The following PTPRG variants were observed in gnomAD, a reference collection of about 807,000 sequenced individuals.
PTPRG encodes protein tyrosine phosphatase receptor type G, also known as receptor-type tyrosine-protein phosphatase gamma.
PTPRG carries 102 observed loss-of-function variants against 165.3 expected under a neutral mutation model. The observed-to-expected ratio is 0.62, with a 90% confidence interval of 0.53 to 0.73. PTPRG has a LOEUF of 0.73. Ranked by LOEUF, PTPRG falls within the 30% of genes least tolerant of loss-of-function variation. The pLI is 0.00. For missense variants in PTPRG, 1,866 were observed against 1,861.4 expected, an observed-to-expected ratio of 1.00 and a Z score of -0.05; for synonymous variants, 675 against 669.5, an observed-to-expected ratio of 1.01 and a Z score of -0.13.
intron 1 of PTPRG, among the ~76,000 whole-genome samples, chr3:61,711,456 C>A (rs1056141938): frequency 6.6e-6 from 1 of 152,136 alleles, no homozygotes; most frequent in Non-Finnish European, 1.5e-5. Flanking sequence ...TTTTAATGAT[C>A]GCCATTCTAA....
At chr3:61,888,552 C>T (rs1029650771) in intron 2 of PTPRG, among the ~76,000 whole-genome samples, 5 of 152,050 alleles carry the variant, frequency 3.3e-5, no homozygotes, top group Non-Finnish European at 5.9e-5. Context: ...AGGATGGTCT[C>T]GATCTCCTGA....
chr3:62,066,579 G>A (rs34956221), intron 4 of PTPRG, among the ~76,000 whole-genome samples: 102,190 of 151,940 alleles, frequency 0.67, 36,410 homozygotes, highest in Non-Finnish European at 0.79. Context: ...GCACCTAGGG[G>A]CCCCTCCCCC....
At chr3:61,710,845 A>G (rs146036395) in intron 1 of PTPRG, among the ~76,000 whole-genome samples, 2 of 152,100 alleles carry the variant, frequency 1.3e-5, no homozygotes, top group Admixed American at 6.6e-5. Context: ...ATAGGTATGC[A>G]TGTGCCATGG....
chr3:61,971,517 G>GGT (rs1328826486), intron 2 of PTPRG, among the ~76,000 whole-genome samples: 1 of 152,092 alleles, frequency 6.6e-6, no homozygotes, highest in Non-Finnish European at 1.5e-5. Flanking sequence ...TACAGTGCTG[G>GGT]GTACCATATT....
chr3:61,969,804 G>A (rs1291871199), intron 2 of PTPRG, among the ~76,000 whole-genome samples: 2 of 152,168 alleles, frequency 1.3e-5, no homozygotes, highest in East Asian at 1.9e-4. Context: ...CATGATAGGG[G>A]AGGAGGGATA....
intron 1 of PTPRG, among the ~76,000 whole-genome samples, chr3:61,748,387 T>C (rs1412968764): frequency 6.6e-6 from 1 of 152,228 alleles, no homozygotes; most frequent in East Asian, 1.9e-4. Context: ...GTAAAAGAGA[T>C]AGAATGACCC....
At chr3:61,861,549 G>A (rs2037271258) in intron 2 of PTPRG, among the ~76,000 whole-genome samples, 1 of 152,212 alleles carries the variant, frequency 6.6e-6, no homozygotes, top group Admixed American at 6.5e-5. Flanking sequence ...CCACCTAAGA[G>A]GCTTGTCTTT....
In PTPRG at chr3:61,924,159, G is replaced by A. The variant is rs367757503; in HGVS notation, c.191-65466G>A. On this transcript the variant is annotated intron_variant, in intron 2 of 29. Transcript: ENST00000474889. ...CTTTCCTCAAAGGTGTACTGCTGTA[G>A]TGTGTTCTCTCTGTGCCATGGCTCC... Among the ~76,000 whole-genome samples the A allele has an allele frequency of 9.2e-5, 14 of 152,276 alleles. No homozygotes were observed. The East Asian group carries it at 2.1e-3, about 23-fold the overall frequency.
intron 4 of PTPRG, among the ~76,000 whole-genome samples, chr3:62,013,955 G>A (rs1179446084): frequency 2.6e-5 from 4 of 152,096 alleles, no homozygotes; most frequent in African/African-American, 7.2e-5. Context: ...ACTTCAGGCC[G>A]CCAGATCAGA....
intron 2 of PTPRG, among the ~76,000 whole-genome samples, chr3:61,925,053 C>A (rs925388944): frequency 6.6e-6 from 1 of 152,216 alleles, no homozygotes; most frequent in Non-Finnish European, 1.5e-5. Flanking sequence ...GACTTCCTAG[C>A]CTCCAGAACT....
chr3:61,799,037 A>T (rs575625432), intron 2 of PTPRG, among the ~76,000 whole-genome samples: 119 of 151,868 alleles, frequency 7.8e-4, no homozygotes, highest in Non-Finnish European at 1.5e-3. Flanking sequence ...ATTTTTTTTT[A>T]TTTTAAAATA....
In PTPRG at chr3:62,096,185, T is replaced by C. The variant is rs138745722; in HGVS notation, c.615+17927T>C. ...AAATGATATCTTTCTATTACCAAGA[T>C]TGTAAGGATTTTATCTTCTTATATA... On this transcript the variant is annotated intron_variant, in intron 5 of 29. Transcript: ENST00000474889. Among the ~76,000 whole-genome samples the C allele has an allele frequency of 2.0e-4, 31 of 152,180 alleles. No individual in the cohort carries two copies. In the East Asian group the frequency reaches 5.4e-3, roughly 27 times the overall value.
intron 2 of PTPRG, among the ~76,000 whole-genome samples, chr3:61,797,155 ATC>A (rs2035074855): frequency 6.6e-6 from 1 of 152,230 alleles, no homozygotes; most frequent in South Asian, 2.1e-4. Flanking sequence ...GGTTTCCATC[ATC>A]TGTGAAATAC....
At chr3:61,727,407 C>T (rs935350542) in intron 1 of PTPRG, among the ~76,000 whole-genome samples, 1 of 152,056 alleles carries the variant, frequency 6.6e-6, no homozygotes, top group Non-Finnish European at 1.5e-5. Context: ...ATGCCCAGCT[C>T]AGCCTGGGAT....
intron 1 of PTPRG, among the ~76,000 whole-genome samples, chr3:61,611,376 T>C (rs1701162733): frequency 6.6e-6 from 1 of 152,196 alleles, no homozygotes; most frequent in African/African-American, 2.4e-5. Context: ...GCCTTTCTCA[T>C]CATTTTAATT....
At chr3:61,633,865 G>T (rs1345955565) in intron 1 of PTPRG, among the ~76,000 whole-genome samples, 1 of 151,540 alleles carries the variant, frequency 6.6e-6, no homozygotes, top group Non-Finnish European at 1.5e-5. Context: ...TCAGGTTGAG[G>T]AAGTTCTCTG....
chr3:62,092,491 T>A (rs1253611906), intron 5 of PTPRG, among the ~76,000 whole-genome samples: 3 of 148,762 alleles, frequency 2.0e-5, no homozygotes, highest in Non-Finnish European at 4.4e-5. Context: ...TTGTTTGGGG[T>A]TAATATCCTC....
intron 6 of PTPRG, among the ~76,000 whole-genome samples, chr3:62,138,762 A>T (rs986344937): frequency 1.5e-4 from 22 of 151,122 alleles, no homozygotes; most frequent in African/African-American, 5.3e-4. Context: ...TGTGCATTAT[A>T]CGTCGCTTCT....
At chr3:62,029,937 C>T (rs960107933) in intron 4 of PTPRG, among the ~76,000 whole-genome samples, 3 of 152,164 alleles carry the variant, frequency 2.0e-5, no homozygotes, top group African/African-American at 4.8e-5. Context: ...TTTTCTAACT[C>T]GCATTTTCTG....
Sources: gnomAD v4.1 joint callset for allele counts (sites outside exome capture counted in the v4.1 genomes callset) on GRCh38, gnomAD v4.1.1 for gene constraint, MANE v1.5 for transcripts, NCBI Gene and HGNC (gene_info 2026-07-23, HGNC 2026-07-21) for gene names.